PRKCZ: variants seen among roughly 807,000 people sequenced by gnomAD.
PRKCZ encodes the protein protein kinase C zeta, also known as protein kinase C zeta type.
Under a neutral mutation model 79.5 loss-of-function variants are expected in PRKCZ, and 33 were observed. The observed-to-expected ratio is 0.41, with a 90% CI of 0.31 to 0.55. The LOEUF (loss-of-function observed/expected upper bound fraction) is 0.55, where lower values mean the gene tolerates loss of function less well. PRKCZ is among the 20% of genes least tolerant of loss of function. The pLI is 0.19. For synonymous variants in PRKCZ, 342 were observed against 320.9 expected, an observed-to-expected ratio of 1.07 and a Z score of -0.70; for missense variants, 578 against 813.5, an observed-to-expected ratio of 0.71 and a Z score of 3.52.
At chr1:2,061,731 G>A (rs541579102) in intron 4 of PRKCZ, among the ~76,000 whole-genome samples, 4 of 152,182 alleles carry the variant, frequency 2.6e-5, no homozygotes, top group South Asian at 2.1e-4. Context: ...GTTTCATGGC[G>A]CTAGTGTCAG....
chr1:2,162,100 C>T (rs1239474376), intron 10 of PRKCZ, among the ~76,000 whole-genome samples: 1 of 152,096 alleles, frequency 6.6e-6, no homozygotes, highest in Non-Finnish European at 1.5e-5. Flanking sequence ...ATAATCAACC[C>T]GTCTGCCTCC....
chr1:2,115,582 C>A (rs1670600597), intron 4 of PRKCZ, among the ~76,000 whole-genome samples: 2 of 152,230 alleles, frequency 1.3e-5, no homozygotes, highest in Admixed American at 1.3e-4. Flanking sequence ...TTCCCACAAG[C>A]CTGCCCCTAC....
chr1:2,184,386 C>T (rs1687219914), intron 16 of PRKCZ, 197 bp from the exon 17 acceptor site: 5 of 544,794 alleles, frequency 9.2e-6, no homozygotes, highest in South Asian at 2.2e-5. Context: ...TTTCTCAGCT[C>T]GACAACAATT....
At chr1:2,156,325 C>T (rs1260091591) in intron 10 of PRKCZ, 1 of 427,422 alleles carries the variant, frequency 2.3e-6, no homozygotes, top group African/African-American at 2.0e-5. Flanking sequence ...CTGGAGGTAT[C>T]CCACTGAGTG....
intron 4 of PRKCZ, among the ~76,000 whole-genome samples, chr1:2,120,801 G>A (rs1671736021): frequency 6.8e-6 from 1 of 148,000 alleles, no homozygotes; most frequent in Non-Finnish European, 1.5e-5. Context: ...ATTAATTTCA[G>A]TCACTTCATT....
chr1:2,087,776 G>C (rs1301458451), intron 4 of PRKCZ, among the ~76,000 whole-genome samples: 1 of 152,138 alleles, frequency 6.6e-6, no homozygotes, highest in East Asian at 1.9e-4. Context: ...TCCCCTAACC[G>C]GGTACCCACT....
chr1:2,121,816 T>C (rs866934094), intron 4 of PRKCZ, among the ~76,000 whole-genome samples: 12 of 40,620 alleles, frequency 3.0e-4, no homozygotes, highest in East Asian at 1.2e-3. Flanking sequence ...AGGGTCACGG[T>C]GGTGGTTAGG....
At chr1:2,081,050 T>C (rs1452474845) in intron 4 of PRKCZ, among the ~76,000 whole-genome samples, 2 of 152,176 alleles carry the variant, frequency 1.3e-5, no homozygotes, top group Non-Finnish European at 2.9e-5. Flanking sequence ...GTTTGTCGGC[T>C]CACACCTGCC....
At chr1:2,095,795 C>G (rs868206200) in intron 4 of PRKCZ, among the ~76,000 whole-genome samples, 2 of 141,816 alleles carry the variant, frequency 1.4e-5, no homozygotes, top group African/African-American at 5.3e-5. Context: ...CTGCCCTCTG[C>G]TCCCCTCTCC....
intron 10 of PRKCZ, among the ~76,000 whole-genome samples, chr1:2,158,604 C>G (rs867905598): frequency 1.3e-5 from 2 of 152,362 alleles, no homozygotes; most frequent in African/African-American, 2.4e-5. Context: ...CCCGGCCCCC[C>G]ACACTTCCTA....
At position 2,133,671 on chromosome 1, in the gene PRKCZ, C is replaced by T. The variant is rs577753075; in HGVS notation, c.335-1591C>T. 1.6e-4 allele frequency: 24 copies of T among 153,264 alleles called. 1 individual carries two copies. The South Asian group carries it at 3.6e-3, about 23-fold the overall frequency. 9.5% of individuals were successfully genotyped at this position (153,264 alleles called of 1,614,324 possible). On this transcript the variant is annotated intron_variant, in intron 4 of 17. Transcript: ENST00000378567. ...CTCGGTTCCGCCCCCGGCTGCGCGT[C>T]TGTCCCTCGACTCGGCCCCTCAGCT...
chr1:2,076,781 C>T (rs1662504613), intron 4 of PRKCZ, among the ~76,000 whole-genome samples: 1 of 151,992 alleles, frequency 6.6e-6, no homozygotes, highest in Non-Finnish European at 1.5e-5. Context: ...TCAAAAGAAG[C>T]CACCTGAACC....
At position 2,144,682 on chromosome 1, in the gene PRKCZ, G is replaced by A. The variant is rs571179534; in HGVS notation, c.552+341G>A. Reference sequence around the variant, plus strand: ...TAAGGACTGTGGAGGTGAAAGCCAGGTCTGACCTAGTAGCATTGGGCACGC... The same window carrying A: ...TAAGGACTGTGGAGGTGAAAGCCAGATCTGACCTAGTAGCATTGGGCACGC... On this transcript the variant is annotated intron_variant, in intron 6 of 17. Coordinates refer to ENST00000378567, the MANE Select transcript of PRKCZ (RefSeq NM_002744.6). The A allele has an allele frequency of 1.6e-5, 17 of 1,064,404 alleles. No individual in the cohort carries two copies. The African/African-American group carries it at 2.7e-4, about 17-fold the overall frequency. The allele number at this position is 1,064,404 out of a possible 1,614,324, so 65.9% of individuals were successfully genotyped here.
At chr1:2,095,567 G>A (rs1387112396) in intron 4 of PRKCZ, among the ~76,000 whole-genome samples, 2 of 152,152 alleles carry the variant, frequency 1.3e-5, no homozygotes, top group East Asian at 3.9e-4. Context: ...GAGGATTCGC[G>A]CTTTGCGTCA....
chr1:2,161,093 C>T (rs773371908), intron 10 of PRKCZ, among the ~76,000 whole-genome samples: 1 of 152,164 alleles, frequency 6.6e-6, no homozygotes, highest in Non-Finnish European at 1.5e-5. Flanking sequence ...CATCCGTGTG[C>T]TGGAGTCATG....
chr1:2,164,464 G>A (rs927233061), intron 10 of PRKCZ, among the ~76,000 whole-genome samples: 7 of 152,330 alleles, frequency 4.6e-5, no homozygotes, highest in African/African-American at 1.7e-4. Context: ...GTATCAGTGG[G>A]GCTGCAGGGA....
At chr1:2,148,662 C>A (rs998801338) in intron 7 of PRKCZ, among the ~76,000 whole-genome samples, 3 of 152,224 alleles carry the variant, frequency 2.0e-5, no homozygotes, top group Non-Finnish European at 4.4e-5. Context: ...GAATGTACAT[C>A]CCCAGGTCCC....
In PRKCZ at chr1:2,185,183, C is replaced by A; in HGVS notation, c.*174C>A. On this transcript the variant is annotated 3_prime_UTR_variant, in exon 18 of 18. Transcript: ENST00000378567. ...CGCTGCTGGGAGCAGAACAGTCCCT[C>A]ACACCTGGGCCCGGGCAGGCCAGCT... 1 of 720,672 alleles carries A rather than the reference C, an allele frequency of 1.4e-6. No homozygotes were observed. Among genetic ancestry groups the A allele is most frequent in the Non-Finnish European group, 2.5e-6 (1 of 405,438 alleles). The allele number at this position is 720,672 out of a possible 1,614,324, so 44.6% of individuals were successfully genotyped here. A position where few individuals can be genotyped will look rare whatever the true frequency, so the allele number is the denominator to read the frequency against.
At position 2,114,815 on chromosome 1, in the gene PRKCZ, G is replaced by A. The variant is rs1670424025; in HGVS notation, c.335-20447G>A. ...AAAAAGAAAAAGCTAAGATGCAGCAGGTGGAGCCGCCTGCCGTTGGGTTTC... is the reference window on the plus strand; with the variant it reads ...AAAAAGAAAAAGCTAAGATGCAGCAAGTGGAGCCGCCTGCCGTTGGGTTTC... On this transcript the variant is annotated intron_variant, in intron 4 of 17. Coordinates refer to ENST00000378567, the MANE Select transcript of PRKCZ (RefSeq NM_002744.6). 2.0e-5 allele frequency among the ~76,000 whole-genome samples: 3 copies of A among 152,344 alleles called. No homozygotes were observed. The South Asian group carries it at 6.2e-4, about 32-fold the overall frequency.
Sources: gnomAD v4.1 joint callset for allele counts (sites outside exome capture counted in the v4.1 genomes callset) on GRCh38, gnomAD v4.1.1 for gene constraint, MANE v1.5 for transcripts, NCBI Gene and HGNC (gene_info 2026-07-23, HGNC 2026-07-21) for gene names.